TMEM132D: variants seen among roughly 807,000 people sequenced by gnomAD.
The protein encoded by TMEM132D is mature OL transmembrane protein.
TMEM132D carries 21 observed loss-of-function variants against 62.3 expected under a neutral mutation model. The ratio of observed to expected loss-of-function variants is 0.34; its 90% confidence interval spans 0.24 to 0.49. The LOEUF is 0.49. Among genes scored for constraint, TMEM132D ranks in the 20% least tolerant of loss-of-function variants. The pLI is 0.99. For missense variants in TMEM132D, 1,346 were observed against 1,402.8 expected (o/e 0.96, Z 0.65); for synonymous variants, 621 against 575.6 (o/e 1.08, Z -1.13).
intron 2 of TMEM132D, among the ~76,000 whole-genome samples, chr12:129,604,139 G>A (rs1295546890): frequency 6.6e-6 from 1 of 152,018 alleles, no homozygotes. Context: ...ACACAAGGAG[G>A]GGAACATCAC....
chr12:129,411,808 T>A (rs1871975570), intron 3 of TMEM132D, among the ~76,000 whole-genome samples: 1 of 152,218 alleles, frequency 6.6e-6, no homozygotes, highest in African/African-American at 2.4e-5. Context: ...CAGTCCGTCT[T>A]CCACAAATAT....
intron 4 of TMEM132D, among the ~76,000 whole-genome samples, chr12:129,333,251 T>C (rs1566036232): frequency 6.6e-6 from 1 of 152,234 alleles, no homozygotes. Flanking sequence ...AATTTTAAAC[T>C]GGTTAAGCTT....
chr12:129,287,832 C>A lies in TMEM132D; in HGVS notation c.1299+49802G>T, dbSNP rs548146301. 8.1e-4 allele frequency among the ~76,000 whole-genome samples: 123 copies of A among 152,224 alleles called. 1 individual carries two copies. The highest frequency in any genetic ancestry group is 6.2e-4 in the South Asian group (3 of 4,816). ...CGTTTCCCACTGGTATTTTTGACAC[C>A]CTTATCAAAAAACAGTTCACTGTAC... On this transcript the variant is annotated intron_variant, in intron 4 of 8. Transcript: ENST00000422113.
chr12:129,517,574 G>A (rs1197254751), intron 3 of TMEM132D, among the ~76,000 whole-genome samples: 2 of 152,168 alleles, frequency 1.3e-5, no homozygotes, highest in Admixed American at 6.5e-5. Context: ...ACCCCTGAGT[G>A]GGGTGGACCC....
At chr12:129,699,697 G>A (rs958738779) in intron 2 of TMEM132D, 113 bp downstream of exon 2, 12 of 1,357,256 alleles carry the variant, frequency 8.8e-6, no homozygotes, top group Non-Finnish European at 1.2e-5. Context: ...GTAAGAACGG[G>A]AAGGCCGGCT....
intron 1 of TMEM132D, among the ~76,000 whole-genome samples, chr12:129,799,858 C>G (rs1345689892): frequency 2.0e-5 from 3 of 152,142 alleles, no homozygotes; most frequent in African/African-American, 7.2e-5. Context: ...GCGTGTTAGA[C>G]AGCTCTGCAG....
At chr12:129,469,755 G>GT (rs1171838752) in intron 3 of TMEM132D, among the ~76,000 whole-genome samples, 1 of 152,214 alleles carries the variant, frequency 6.6e-6, no homozygotes, top group Non-Finnish European at 1.5e-5. Flanking sequence ...CTGTCCTTTA[G>GT]TTTTGTCCTT....
chr12:129,206,287 C>T (rs1329485029), intron 5 of TMEM132D, among the ~76,000 whole-genome samples: 1 of 152,128 alleles, frequency 6.6e-6, no homozygotes, highest in African/African-American at 2.4e-5. Context: ...GAAAAGTGAG[C>T]AAAGGACATG....
At chr12:129,164,601 C>G (rs1232106806) in intron 5 of TMEM132D, among the ~76,000 whole-genome samples, 1 of 152,160 alleles carries the variant, frequency 6.6e-6, no homozygotes, top group Non-Finnish European at 1.5e-5. Flanking sequence ...ATAGTTCAGC[C>G]TCAGGAAACT....
At chr12:129,581,419 C>G (rs182889367) in intron 2 of TMEM132D, among the ~76,000 whole-genome samples, 1 of 152,112 alleles carries the variant, frequency 6.6e-6, no homozygotes, top group Non-Finnish European at 1.5e-5. Flanking sequence ...CACCATAGGC[C>G]GTCTGGAAGC....
At chr12:129,678,161 T>C (rs1880684998) in intron 2 of TMEM132D, among the ~76,000 whole-genome samples, 1 of 152,146 alleles carries the variant, frequency 6.6e-6, no homozygotes, top group Non-Finnish European at 1.5e-5. Context: ...TGAACAAGTG[T>C]AAGAGTTTCT....
intron 2 of TMEM132D, among the ~76,000 whole-genome samples, chr12:129,578,434 A>G (rs375279297): frequency 3.7e-4 from 16 of 42,846 alleles, no homozygotes; most frequent in Non-Finnish European, 2.2e-4. Flanking sequence ...GTATATATAT[A>G]TATGTATGTA....
chr12:129,549,231 G>T (rs1876823158), intron 2 of TMEM132D, among the ~76,000 whole-genome samples: 1 of 148,154 alleles, frequency 6.7e-6, no homozygotes, highest in Non-Finnish European at 1.5e-5. Context: ...AACCTCTTTG[G>T]CTTGGTTCTC....
chr12:129,665,023 C>CA (rs1880341961), intron 2 of TMEM132D, among the ~76,000 whole-genome samples: 1 of 152,130 alleles, frequency 6.6e-6, no homozygotes, highest in Admixed American at 6.5e-5. Flanking sequence ...CCAGAGTCTA[C>CA]ACGCTTAACT....
intron 8 of TMEM132D, among the ~76,000 whole-genome samples, chr12:129,075,318 C>CT (rs541888959): frequency 1.0e-3 from 145 of 143,466 alleles, no homozygotes; most frequent in Middle Eastern, 3.6e-3. Flanking sequence ...AGAAGATTTG[C>CT]TTTTTTTTTT....
intron 4 of TMEM132D, among the ~76,000 whole-genome samples, chr12:129,244,766 G>T (rs1001038492): frequency 6.6e-6 from 1 of 151,976 alleles, no homozygotes; most frequent in East Asian, 1.9e-4. Context: ...TCAGCCTCCC[G>T]AGTACCTCGA....
intron 3 of TMEM132D, among the ~76,000 whole-genome samples, chr12:129,342,034 C>T (rs1195164965): frequency 6.6e-6 from 1 of 152,172 alleles, no homozygotes; most frequent in South Asian, 2.1e-4. Flanking sequence ...CCATCCCTAT[C>T]AAGCTACCAA....
chr12:129,522,837 T>C (rs989640375), intron 3 of TMEM132D: 6 of 152,138 alleles, frequency 3.9e-5, no homozygotes, highest in African/African-American at 1.4e-4. Context: ...GGATAAGATA[T>C]AGATATAAAT....
chr12:129,725,962 C>A lies in TMEM132D; in HGVS notation c.80-25264G>T, dbSNP rs137858318. Among the ~76,000 whole-genome samples the A allele has an allele frequency of 5.3e-4, 80 of 152,338 alleles. 1 individual carries two copies. Among genetic ancestry groups the A allele is most frequent in the African/African-American group, 1.6e-3 (67 of 41,578 alleles). On this transcript the variant is annotated intron_variant, in intron 1 of 8. Coordinates refer to ENST00000422113, the MANE Select transcript of TMEM132D (RefSeq NM_133448.3). The stretch of plus-strand genomic sequence containing the variant: ...CTATGCAGACGCAGGTCCAGACATA[C>A]ACTTGCCTTCTCAGAGTCTGGGATT...
Sources: allele counts gnomAD v4.1 joint callset (sites outside exome capture counted in the v4.1 genomes callset), GRCh38; gene constraint gnomAD v4.1.1; transcripts MANE v1.5; gene names NCBI Gene and HGNC (gene_info 2026-07-23, HGNC 2026-07-21).